The following TLN2 variants were observed in gnomAD, a reference collection of about 807,000 sequenced individuals.
TLN2 encodes talin-2.
Under a neutral mutation model 294.7 loss-of-function variants are expected in TLN2, and 118 were observed. The ratio of observed to expected loss-of-function variants is 0.40; its 90% CI spans 0.34 to 0.47. The LOEUF is 0.47. Among genes scored for constraint, TLN2 ranks in the 20% least tolerant of loss-of-function variants. The probability of loss-of-function intolerance (pLI) is 0.84; values close to 1 mark genes in which losing one functional copy is unlikely to be tolerated. For missense variants in TLN2, 3,083 were observed against 3,282.2 expected (o/e 0.94, Z 1.48); for synonymous variants, 1,431 against 1,304.5 (o/e 1.10, Z -2.09).
chr15:62,763,632 C>T lies in TLN2; in HGVS notation c.5031C>T (p.Ile1677=), dbSNP rs148806117. 1.5e-5 allele frequency: 24 copies of T among 1,613,450 alleles called. No individual in the cohort carries two copies. In the African/African-American group the frequency reaches 1.7e-4, roughly 12 times the overall value. ...IDGINRCIRD[I]EQASLAAVSQ... ...GCATCAACCGGTGCATCCGGGACAT[C>T]GAGCAGGCCTCGCTGGCCGCCGTCA... The change falls in exon 40 of 59, where the codon ATC becomes ATT. Residue 1677 remains isoleucine (I), a synonymous_variant. Transcript: ENST00000636159.
At chr15:62,424,675 TAG>T (rs2140277805) in intron 1 of TLN2, among the ~76,000 whole-genome samples, 1 of 152,172 alleles carries the variant, frequency 6.6e-6, no homozygotes, top group Admixed American at 6.5e-5. Flanking sequence ...TTTTTTGAGA[TAG>T]AGTCTTTCTC....
At chr15:62,614,557 C>G (rs547426900) in intron 2 of TLN2, among the ~76,000 whole-genome samples, 74 of 152,266 alleles carry the variant, frequency 4.9e-4, no homozygotes, top group African/African-American at 1.8e-3. Flanking sequence ...CCTCTCTGCT[C>G]GAAAGAACAT....
chr15:62,831,690 G>C (rs1457352365), intron 54 of TLN2: 2 of 152,156 alleles, frequency 1.3e-5, no homozygotes, highest in African/African-American at 4.8e-5. Flanking sequence ...CAATAAGAAA[G>C]AATGCACAAG....
intron 4 of TLN2, among the ~76,000 whole-genome samples, chr15:62,648,749 A>G (rs567140426): frequency 3.8e-4 from 57 of 151,996 alleles, no homozygotes; most frequent in African/African-American, 1.3e-3. Flanking sequence ...GGGTTTCACC[A>G]TGTTGGCCAG....
intron 57 of TLN2, 120 bp from the exon 58 acceptor site, chr15:62,838,736 G>GATGTT (rs2070148840): frequency 1.5e-6 from 2 of 1,344,188 alleles, no homozygotes; most frequent in Non-Finnish European, 2.0e-6. Context: ...TACAGAACTT[G>GATGTT]ATGTTATAAT....
At chr15:62,748,183 C>T (rs2061719330) in intron 32 of TLN2, among the ~76,000 whole-genome samples, 168 bp from the exon 33 acceptor site, 2 of 151,962 alleles carry the variant, frequency 1.3e-5, no homozygotes, top group African/African-American at 4.8e-5. Flanking sequence ...TTCTGTCTTC[C>T]CTGGGTGTGG....
chr15:62,553,591 T>C (rs1222665200), intron 1 of TLN2, among the ~76,000 whole-genome samples: 1 of 152,242 alleles, frequency 6.6e-6, no homozygotes, highest in Non-Finnish European at 1.5e-5. Flanking sequence ...TTTTTACTTT[T>C]TCCCACCTTT....
intron 1 of TLN2, among the ~76,000 whole-genome samples, chr15:62,566,816 G>A (rs1243032746): frequency 6.6e-6 from 1 of 151,646 alleles, no homozygotes; most frequent in Non-Finnish European, 1.5e-5. Context: ...GCCTTTCAAA[G>A]CACTGGGATT....
chr15:62,599,592 G>T (rs1421277134), intron 2 of TLN2, among the ~76,000 whole-genome samples: 1 of 152,158 alleles, frequency 6.6e-6, no homozygotes, highest in African/African-American at 2.4e-5. Context: ...TCAAGAGAGG[G>T]AAACATCAGT....
chr15:62,654,754 CAAAAAAAAAAAAA>C lies in TLN2; in HGVS notation c.518-1174_518-1162del, dbSNP rs59006343. On this transcript the variant is annotated intron_variant, in intron 7 of 58. Transcript: ENST00000636159. The stretch of plus-strand genomic sequence containing the variant: ...TGGGTGACAGAGCGTGACTCTGCCT[CAAAAAAAAAAAAA>C]AAAAAAAAAAAAAAAGTAACAGAAT... Among the ~76,000 whole-genome samples the C allele has an allele frequency of 1.8e-4, 6 of 33,858 alleles. No homozygotes were observed. In the South Asian group the frequency reaches 8.2e-3, roughly 46 times the overall value. 22.2% of individuals were successfully genotyped at this position (33,858 alleles called of 152,430 possible). A position where few individuals can be genotyped will look rare whatever the true frequency, so the allele number is the denominator to read the frequency against.
chr15:62,467,678 CTG>C (rs2037218974), intron 1 of TLN2, among the ~76,000 whole-genome samples: 1 of 34,224 alleles, frequency 2.9e-5, no homozygotes, highest in South Asian at 2.7e-3. Flanking sequence ...GAGTGAGACT[CTG>C]TCTCAAAAAA....
At chr15:62,618,061 C>T (rs983315520) in intron 2 of TLN2, among the ~76,000 whole-genome samples, 2 of 150,928 alleles carry the variant, frequency 1.3e-5, no homozygotes, top group South Asian at 2.1e-4. Context: ...GGCCTCTCAA[C>T]GTGTTGAGAT....
At position 62,752,286 on chromosome 15, in the gene TLN2, C is replaced by G; in HGVS notation, c.4210-19C>G. The G allele has an allele frequency of 6.2e-7, 1 of 1,613,410 alleles. No individual in the cohort carries two copies. The highest frequency in any genetic ancestry group is 8.5e-7 in the Non-Finnish European group (1 of 1,179,652). On this transcript the variant is annotated intron_variant, in intron 34 of 58. Transcript: ENST00000636159. Reference sequence around the variant, plus strand: ...AGGCAATGCTGGATAGAGAATGTTGCTGGCCGTTTGTTTTGCAGGTTCTGG... The same window carrying G: ...AGGCAATGCTGGATAGAGAATGTTGGTGGCCGTTTGTTTTGCAGGTTCTGG...
At chr15:62,534,294 A>G (rs1294447423) in intron 1 of TLN2, among the ~76,000 whole-genome samples, 4 of 152,008 alleles carry the variant, frequency 2.6e-5, no homozygotes, top group African/African-American at 4.8e-5. Flanking sequence ...CCACAAGACT[A>G]CTCTCCACTT....
chr15:62,494,030 T>G (rs960867821), intron 1 of TLN2, among the ~76,000 whole-genome samples: 3 of 151,962 alleles, frequency 2.0e-5, no homozygotes, highest in African/African-American at 7.2e-5. Flanking sequence ...GTCTGGGTGA[T>G]CCTAGGATTC....
chr15:62,452,594 G>T (rs989672044), intron 1 of TLN2, among the ~76,000 whole-genome samples: 1 of 152,064 alleles, frequency 6.6e-6, no homozygotes, highest in Admixed American at 6.6e-5. Context: ...GCCCATTACT[G>T]CTTATCCTCC....
chr15:62,457,089 A>G (rs1374882518), intron 1 of TLN2, among the ~76,000 whole-genome samples: 1 of 152,184 alleles, frequency 6.6e-6, no homozygotes, highest in Non-Finnish European at 1.5e-5. Context: ...TCAGGTTGCT[A>G]TTGGAAAATG....
intron 1 of TLN2, among the ~76,000 whole-genome samples, chr15:62,570,460 T>C: frequency 6.6e-6 from 1 of 152,246 alleles, no homozygotes; most frequent in Non-Finnish European, 1.5e-5. Context: ...TAAGAAATAC[T>C]GGTAAGAATA....
At position 62,727,280 on chromosome 15, in the gene TLN2, A is replaced by C. The variant is rs112079650; in HGVS notation, c.3358+91A>C. 17 of 1,169,120 alleles carry C rather than the reference A, an allele frequency of 1.5e-5. 1 individual carries two copies. Among genetic ancestry groups the C allele is most frequent in the Middle Eastern group, 5.2e-4 (2 of 3,836 alleles). The allele number at this position is 1,169,120 out of a possible 1,614,324, so 72.4% of individuals were successfully genotyped here. ...GAGGAGTTCATTCCTTTGACAATACACGTGACATTTTTCTCCCAGCAGTTC... is the reference window on the plus strand; with the variant it reads ...GAGGAGTTCATTCCTTTGACAATACCCGTGACATTTTTCTCCCAGCAGTTC... On this transcript the variant is annotated intron_variant, in intron 28 of 58. Transcript: ENST00000636159.
Sources: allele counts gnomAD v4.1 joint callset (sites outside exome capture counted in the v4.1 genomes callset), GRCh38; gene constraint gnomAD v4.1.1; transcripts MANE v1.5; gene names NCBI Gene and HGNC (gene_info 2026-07-23, HGNC 2026-07-21).